Variants in FAT3 observed in about 807,000 individuals in gnomAD.
FAT3 encodes the protein FAT atypical cadherin 3, also known as protocadherin Fat 3.
A neutral mutation model predicts 310.2 loss-of-function variants in FAT3; 95 were observed. That is an observed-to-expected ratio of 0.31 (90% CI 0.26 to 0.36). The LOEUF is 0.36. Ranked by LOEUF, FAT3 falls within the 10% of genes least tolerant of loss-of-function variation. The probability of loss-of-function intolerance (pLI) is 1.00; values close to 1 mark genes in which losing one functional copy is unlikely to be tolerated. For missense variants in FAT3, 5,408 were observed against 5,715.6 expected (o/e 0.95, Z 1.74); for synonymous variants, 2,314 against 2,192.9 (o/e 1.06, Z -1.54).
chr11:92,854,139 G>A (rs775931386), intron 19 of FAT3, among the ~76,000 whole-genome samples: 3 of 152,200 alleles, frequency 2.0e-5, no homozygotes, highest in Non-Finnish European at 2.9e-5. Context: ...AGGTGGCAGC[G>A]GGACTGATGT....
chr11:92,743,041 A>C lies in FAT3; in HGVS notation c.3670-18815A>C, dbSNP rs116128545. The stretch of plus-strand genomic sequence containing the variant: ...TAATCCAGTAATTAAGCACTTCTTA[A>C]AGTATGTTCCTTGAAATATCAGACC... On this transcript the variant is annotated intron_variant, in intron 4 of 27. Coordinates refer to ENST00000525166, the MANE Select transcript of FAT3 (RefSeq NM_001367949.2). Among the ~76,000 whole-genome samples, 1,392 of 152,312 alleles carry C rather than the reference A, an allele frequency of 9.1e-3. 25 individuals carry two copies. Among genetic ancestry groups the C allele is most frequent in the African/African-American group, 0.032 (1,313 of 41,570 alleles).
intron 1 of FAT3, among the ~76,000 whole-genome samples, chr11:92,277,620 C>T (rs567953151): frequency 2.6e-5 from 4 of 152,174 alleles, no homozygotes; most frequent in African/African-American, 9.6e-5. Context: ...AAACCAAATA[C>T]GGAATGTTCC....
chr11:92,471,749 C>A (rs1367964713), intron 2 of FAT3, among the ~76,000 whole-genome samples: 1 of 151,796 alleles, frequency 6.6e-6, no homozygotes, highest in African/African-American at 2.4e-5. Flanking sequence ...AAACTGGGAA[C>A]AACTTAAAAG....
chr11:92,817,419 A>G (rs1241407223), intron 13 of FAT3, among the ~76,000 whole-genome samples: 1 of 152,226 alleles, frequency 6.6e-6, no homozygotes. Flanking sequence ...AATTGGAAAG[A>G]CACTAAGAGA....
At chr11:92,330,748 T>G (rs1947896642) in intron 1 of FAT3, among the ~76,000 whole-genome samples, 1 of 152,234 alleles carries the variant, frequency 6.6e-6, no homozygotes, top group African/African-American at 2.4e-5. Flanking sequence ...TGGGTAAATA[T>G]TCATTTGAAT....
intron 4 of FAT3, among the ~76,000 whole-genome samples, chr11:92,740,462 A>G (rs1488008416): frequency 1.3e-5 from 2 of 152,198 alleles, no homozygotes; most frequent in Non-Finnish European, 1.5e-5. Flanking sequence ...AATGACTAGA[A>G]CATTCTTCCT....
intron 3 of FAT3, among the ~76,000 whole-genome samples, chr11:92,551,414 T>TTGTTGTGTGTGTGTG (rs35238743): frequency 2.3e-5 from 3 of 128,876 alleles, no homozygotes; most frequent in African/African-American, 8.7e-5. Context: ...TTTTTTTGTT[T>TTGTTGTGTGTGTGTG]TGTGTGTGTG....
chr11:92,660,185 A>G (rs897226524), intron 3 of FAT3, among the ~76,000 whole-genome samples: 3 of 151,118 alleles, frequency 2.0e-5, no homozygotes, highest in Non-Finnish European at 4.4e-5. Context: ...TTTGTTTATT[A>G]TTTATTATTA....
chr11:92,798,759 C>G lies in FAT3; in HGVS notation c.5746C>G (p.Pro1916Ala), dbSNP rs1001876086. 2.5e-6 allele frequency: 4 copies of G among 1,613,752 alleles called. No individual in the cohort carries two copies. Among genetic ancestry groups the G allele is most frequent in the East Asian group, 2.2e-5 (1 of 44,810 alleles). ...SATDPDSEVP[P>A]ELTYSLMEGS... ...CACAGATCCTGACTCTGAGGTACCC[C>G]CTGAACTGACATACAGCCTAATGGA... The change falls in exon 10 of 28, where the codon CCT (proline) becomes GCT (alanine). Residue 1916 changes from proline to alanine, a missense_variant. By Grantham distance (27) the Pro-to-Ala change is conservative. Transcript: ENST00000525166.
rs1591699056 is a variant in FAT3 at position 92,762,092 on chromosome 11, A to G, written c.3906A>G (p.Gly1302=). The G allele has an allele frequency of 1.9e-6, 3 of 1,613,996 alleles. No homozygotes were observed. Among genetic ancestry groups the G allele is most frequent in the East Asian group, 2.2e-5 (1 of 44,872 alleles). The change falls in exon 5 of 28, where the codon GGA becomes GGG. Residue 1302 remains glycine (G), a synonymous_variant. Coordinates refer to ENST00000525166, the MANE Select transcript of FAT3 (RefSeq NM_001367949.2). ...SYSIVDGNDD[G]KFFIDPKTGM... ...GTATTGTGGATGGGAATGATGACGG[A>G]AAGTTCTTTATTGACCCTAAAACTG...
At chr11:92,618,214 C>A (rs1940910928) in intron 3 of FAT3, among the ~76,000 whole-genome samples, 1 of 152,182 alleles carries the variant, frequency 6.6e-6, no homozygotes, top group African/African-American at 2.4e-5. Flanking sequence ...TGCTGCCTTG[C>A]AGTTTGATCT....
intron 2 of FAT3, among the ~76,000 whole-genome samples, chr11:92,386,393 A>T (rs1206383062): frequency 6.6e-6 from 1 of 152,220 alleles, no homozygotes; most frequent in Non-Finnish European, 1.5e-5. Context: ...CATAGTGAAC[A>T]TTCAATAAAC....
intron 2 of FAT3, among the ~76,000 whole-genome samples, chr11:92,396,086 A>G (rs184577631): frequency 1.3e-3 from 195 of 152,276 alleles, no homozygotes; most frequent in African/African-American, 4.4e-3. Flanking sequence ...GACCCTGTCA[A>G]TGTTTACAGA....
At chr11:92,824,976 A>C (rs1204043070) in intron 13 of FAT3, among the ~76,000 whole-genome samples, 1 of 152,216 alleles carries the variant, frequency 6.6e-6, no homozygotes, top group Non-Finnish European at 1.5e-5. Context: ...AAATTGGGTA[A>C]GTACCAGTTT....
At chr11:92,412,457 A>T (rs1950297213) in intron 2 of FAT3, among the ~76,000 whole-genome samples, 2 of 126,910 alleles carry the variant, frequency 1.6e-5, no homozygotes, top group Non-Finnish European at 3.2e-5. Flanking sequence ...AATGTATAGT[A>T]GGATTTGTAA....
chr11:92,661,209 A>G (rs891497655), intron 3 of FAT3, among the ~76,000 whole-genome samples: 5 of 152,214 alleles, frequency 3.3e-5, no homozygotes, highest in African/African-American at 1.2e-4. Context: ...GGGAAGGCCC[A>G]TGTGGTCAGC....
At position 92,882,585 on chromosome 11, in the gene FAT3, T is replaced by TCCCCCCCCCCCCCCCC. The variant is rs58520864; in HGVS notation, c.12282-143_12282-142insCCCCCCCCCCCCCCCC. Among the ~76,000 whole-genome samples, 72 of 93,196 alleles carry TCCCCCCCCCCCCCCCC rather than the reference T, an allele frequency of 7.7e-4. 1 individual carries two copies. Among genetic ancestry groups the TCCCCCCCCCCCCCCCC allele is most frequent in the Non-Finnish European group, 1.0e-3 (47 of 45,416 alleles). The allele number at this position is 93,196 out of a possible 152,430, so 61.1% of individuals were successfully genotyped here. The stretch of plus-strand genomic sequence containing the variant: ...CAGAAATGCCTAAATTAACTCCCCC[T>TCCCCCCCCCCCCCCCC]CCCCCCCCCCACCAACCATCTTTGT... On this transcript the variant is annotated intron_variant, in intron 23 of 27. Transcript: ENST00000525166.
intron 13 of FAT3, among the ~76,000 whole-genome samples, chr11:92,828,386 T>C (rs1467610003): frequency 6.6e-6 from 1 of 152,182 alleles, no homozygotes; most frequent in Non-Finnish European, 1.5e-5. Flanking sequence ...TTTAATATGC[T>C]ACAAAAATAT....
chr11:92,712,091 G>T (rs551535359), intron 4 of FAT3, among the ~76,000 whole-genome samples: 1 of 152,170 alleles, frequency 6.6e-6, no homozygotes, highest in East Asian at 1.9e-4. Flanking sequence ...CTCTACTGGT[G>T]ACAAATTGTA....
Sources: allele counts gnomAD v4.1 joint callset (sites outside exome capture counted in the v4.1 genomes callset), GRCh38; gene constraint gnomAD v4.1.1; transcripts MANE v1.5; gene names NCBI Gene and HGNC (gene_info 2026-07-23, HGNC 2026-07-21).